PTPN4: variants seen among roughly 807,000 people sequenced by gnomAD.
The protein encoded by PTPN4 is tyrosine-protein phosphatase non-receptor type 4.
In PTPN4, 49 loss-of-function variants were observed where a neutral mutation model predicts 135.5. The ratio of observed to expected loss-of-function variants is 0.36; its 90% confidence interval spans 0.29 to 0.46. PTPN4 has a LOEUF of 0.46. Among genes scored for constraint, PTPN4 ranks in the 20% least tolerant of loss-of-function variants. The probability of loss-of-function intolerance (pLI) is 1.00; values close to 1 mark genes in which losing one functional copy is unlikely to be tolerated. For missense variants in PTPN4, 860 were observed against 1,101.0 expected, an observed-to-expected ratio of 0.78 and a Z score of 3.10; for synonymous variants, 333 against 369.9, an observed-to-expected ratio of 0.90 and a Z score of 1.14.
intron 2 of PTPN4, among the ~76,000 whole-genome samples, chr2:119,828,327 C>G (rs977642882): frequency 1.3e-5 from 2 of 152,236 alleles, no homozygotes; most frequent in Non-Finnish European, 2.9e-5. Flanking sequence ...AGTCAACCCA[C>G]AGAACCATGA....
At chr2:119,881,653 CAT>C (rs1400580712) in intron 5 of PTPN4, 131 bp from the exon 6 acceptor site, 1 of 583,212 alleles carries the variant, frequency 1.7e-6, no homozygotes, top group Non-Finnish European at 2.8e-6. Flanking sequence ...AACTACTTTA[CAT>C]GTTTTAATAT....
chr2:119,819,723 T>G (rs1677037283), intron 2 of PTPN4, among the ~76,000 whole-genome samples: 1 of 152,260 alleles, frequency 6.6e-6, no homozygotes, highest in African/African-American at 2.4e-5. Context: ...CCTTGGCTGA[T>G]AAATTATTAA....
At chr2:119,892,162 A>G (rs1190072628) in intron 9 of PTPN4, among the ~76,000 whole-genome samples, 1 of 152,228 alleles carries the variant, frequency 6.6e-6, no homozygotes, top group Non-Finnish European at 1.5e-5. Flanking sequence ...ATTCCATTGA[A>G]GTTCAGTAAC....
At chr2:119,820,013 C>G (rs868603386) in intron 2 of PTPN4, among the ~76,000 whole-genome samples, 33 of 152,124 alleles carry the variant, frequency 2.2e-4, no homozygotes, top group African/African-American at 7.7e-4. Flanking sequence ...GGGCATGCGC[C>G]ACCATGACCA....
rs182522744 is a variant in PTPN4, at chr2:119,848,266, C to T, written c.139-14270C>T. Reference sequence around the variant, plus strand: ...TCGGCTCACTGCAAGCTCCGCCTCCCGGATTCACACCATTCTCCCGCCTCA... The same window carrying T: ...TCGGCTCACTGCAAGCTCCGCCTCCTGGATTCACACCATTCTCCCGCCTCA... On this transcript the variant is annotated intron_variant, in intron 2 of 26. Transcript: ENST00000263708. Among the ~76,000 whole-genome samples the T allele has an allele frequency of 7.8e-4, 118 of 151,186 alleles. No homozygotes were observed. The East Asian group carries it at 0.019, about 24-fold the overall frequency.
At chr2:119,962,977 A>T (rs755517028) in intron 24 of PTPN4, among the ~76,000 whole-genome samples, 2 of 152,156 alleles carry the variant, frequency 1.3e-5, no homozygotes, top group Non-Finnish European at 2.9e-5. Context: ...GTCAGTGAAA[A>T]AGTAGTCTGG....
chr2:119,870,566 CA>C (rs1320886447), intron 3 of PTPN4, among the ~76,000 whole-genome samples: 1 of 152,082 alleles, frequency 6.6e-6, no homozygotes, highest in Non-Finnish European at 1.5e-5. Flanking sequence ...CTCGTCCTAA[CA>C]GGTATAAAAA....
intron 1 of PTPN4, among the ~76,000 whole-genome samples, chr2:119,794,331 A>G (rs1424165751): frequency 6.6e-6 from 1 of 152,074 alleles, no homozygotes; most frequent in Non-Finnish European, 1.5e-5. Context: ...TGTTCCATCC[A>G]CTTGGCATGG....
chr2:119,947,443 G>T (rs1317197222), intron 18 of PTPN4, among the ~76,000 whole-genome samples: 1 of 152,068 alleles, frequency 6.6e-6, no homozygotes, highest in African/African-American at 2.4e-5. Context: ...GAAAATAACA[G>T]GGTACTCATG....
chr2:119,885,555 G>A (rs1026642696), intron 8 of PTPN4, among the ~76,000 whole-genome samples: 3 of 152,268 alleles, frequency 2.0e-5, no homozygotes, highest in Non-Finnish European at 2.9e-5. Context: ...AAATAGTGAG[G>A]AGCTTTAAAA....
At chr2:119,943,877 C>T (rs1280293743) in intron 15 of PTPN4, among the ~76,000 whole-genome samples, 1 of 152,100 alleles carries the variant, frequency 6.6e-6, no homozygotes, top group East Asian at 1.9e-4. Context: ...CAGGCATGAG[C>T]CACTGTGCCC....
In PTPN4 at chr2:119,984,778, CAT is replaced by C. The variant is rs1171176420; in HGVS notation, c.*7711_*7712del. Among the ~76,000 whole-genome samples the C allele has an allele frequency of 1.3e-5, 2 of 152,132 alleles. No homozygotes were observed. Among genetic ancestry groups the C allele is most frequent in the Non-Finnish European group, 2.9e-5 (2 of 68,028 alleles). ...TTATATTATGTGAAATGCTGTTACACATATTTTGTTGGCCATATTTCATTTTG... is the reference window on the plus strand; with the variant it reads ...TTATATTATGTGAAATGCTGTTACACATTTTGTTGGCCATATTTCATTTTG... On this transcript the variant is annotated 3_prime_UTR_variant, in exon 27 of 27. Transcript: ENST00000263708.
At chr2:119,793,374 T>C (rs1441416032) in intron 1 of PTPN4, among the ~76,000 whole-genome samples, 1 of 152,206 alleles carries the variant, frequency 6.6e-6, no homozygotes, top group Admixed American at 6.5e-5. Flanking sequence ...GTTATCTCCC[T>C]TGTCCCCTGA....
At chr2:119,857,024 C>G (rs1047850891) in intron 2 of PTPN4, among the ~76,000 whole-genome samples, 1 of 152,024 alleles carries the variant, frequency 6.6e-6, no homozygotes, top group Non-Finnish European at 1.5e-5. Flanking sequence ...AGTTCTTACT[C>G]AGTTACTTAT....
chr2:119,852,872 T>C (rs1677612916), intron 2 of PTPN4, among the ~76,000 whole-genome samples: 2 of 152,268 alleles, frequency 1.3e-5, no homozygotes, highest in South Asian at 2.1e-4. Flanking sequence ...TTTTGTTTTG[T>C]TTTTCTCCAG....
chr2:119,940,835 T>A (rs757574301), intron 15 of PTPN4, among the ~76,000 whole-genome samples: 11 of 152,168 alleles, frequency 7.2e-5, no homozygotes, highest in Non-Finnish European at 8.8e-5. Flanking sequence ...TTAAAAAAAA[T>A]TCATGATTTT....
intron 1 of PTPN4, among the ~76,000 whole-genome samples, chr2:119,761,272 A>G (rs1269176272): frequency 1.3e-5 from 2 of 152,216 alleles, no homozygotes; most frequent in Admixed American, 1.3e-4. Flanking sequence ...ATTAGAGTAG[A>G]AAGAAGACTG....
In PTPN4 at chr2:119,846,377, G is replaced by A. The variant is rs150197271; in HGVS notation, c.139-16159G>A. Among the ~76,000 whole-genome samples the A allele has an allele frequency of 6.6e-4, 100 of 152,184 alleles. 1 individual carries two copies. Among genetic ancestry groups the A allele is most frequent in the Admixed American group, 6.0e-3 (92 of 15,282 alleles). ...ATCTTCTGATGGAACGACCTTTAGCGTTATAAAATTTCCCTCTTTGACTCT... is the reference window on the plus strand; with the variant it reads ...ATCTTCTGATGGAACGACCTTTAGCATTATAAAATTTCCCTCTTTGACTCT... On this transcript the variant is annotated intron_variant, in intron 2 of 26. Transcript: ENST00000263708.
intron 1 of PTPN4, among the ~76,000 whole-genome samples, chr2:119,767,072 T>C (rs1690642456): frequency 6.6e-6 from 1 of 152,238 alleles, no homozygotes; most frequent in Non-Finnish European, 1.5e-5. Flanking sequence ...CGCCTTAAAC[T>C]AATTTTTAAC....
Sources: gnomAD v4.1 joint callset for allele counts (sites outside exome capture counted in the v4.1 genomes callset) on GRCh38, gnomAD v4.1.1 for gene constraint, MANE v1.5 for transcripts, NCBI Gene and HGNC (gene_info 2026-07-23, HGNC 2026-07-21) for gene names.